The following ABLIM1 variants were observed in gnomAD, a reference collection of about 807,000 sequenced individuals.
ABLIM1 encodes actin binding LIM protein 1.
A neutral mutation model predicts 107.0 loss-of-function variants in ABLIM1; 40 were observed. The observed-to-expected ratio is 0.37, with a 90% CI of 0.29 to 0.49. ABLIM1 has a LOEUF of 0.49. Among genes scored for constraint, ABLIM1 ranks in the 20% least tolerant of loss-of-function variants. ABLIM1 has a pLI of 0.97. For missense variants in ABLIM1, 857 were observed against 1,008.5 expected, an observed-to-expected ratio of 0.85 and a Z score of 2.04; for synonymous variants, 357 against 357.3, an observed-to-expected ratio of 1.00 and a Z score of 0.01.
chr10:114,471,724 T>C (rs907335391), intron 10 of ABLIM1, among the ~76,000 whole-genome samples: 7 of 152,012 alleles, frequency 4.6e-5, no homozygotes, highest in Non-Finnish European at 1.0e-4. Context: ...ACATCTGGAA[T>C]TGAGAACAAT....
chr10:114,798,558 C>CG, the ABLIM1 span, among the ~76,000 whole-genome samples: 8 of 135,522 alleles, frequency 5.9e-5, no homozygotes, highest in South Asian at 4.7e-4. Flanking sequence ...ATGATGAGAC[C>CG]CCCCCCCCAT....
In ABLIM1 at chr10:114,690,964, G is replaced by A. The variant is rs190570949; in HGVS notation, c.-213+77097C>T. On this transcript the variant is annotated intron_variant, in intron 1 of 15. Transcript: ENST00000651092. Reference sequence around the variant, plus strand: ...CTCAAAGTACTGCAATTACAGGTGCGAGCCACCTCGCCAGGCCCTGGCTAA... The same window carrying A: ...CTCAAAGTACTGCAATTACAGGTGCAAGCCACCTCGCCAGGCCCTGGCTAA... 1.9e-3 allele frequency among the ~76,000 whole-genome samples: 282 copies of A among 152,308 alleles called. 1 individual carries two copies. The highest frequency in any genetic ancestry group is 6.4e-3 in the African/African-American group (268 of 41,564).
chr10:114,726,810 C>T (rs927878935), intron 1 of ABLIM1, among the ~76,000 whole-genome samples: 13 of 151,954 alleles, frequency 8.6e-5, no homozygotes, highest in African/African-American at 3.1e-4. Flanking sequence ...GAACAGCACC[C>T]AGGGGATGGC....
chr10:114,773,836 G>A, the ABLIM1 span, among the ~76,000 whole-genome samples: 16 of 150,836 alleles, frequency 1.1e-4, no homozygotes, highest in South Asian at 6.2e-4. Context: ...TAAAATTTCT[G>A]TATCATTTAT....
chr10:114,485,739 T>C (rs1426575536), intron 8 of ABLIM1, among the ~76,000 whole-genome samples: 1 of 152,204 alleles, frequency 6.6e-6, no homozygotes, highest in Non-Finnish European at 1.5e-5. Context: ...TTCTTAAATA[T>C]AAAAAATGTG....
the ABLIM1 span, among the ~76,000 whole-genome samples, chr10:114,796,556 A>G: frequency 9.2e-5 from 14 of 152,178 alleles, no homozygotes; most frequent in African/African-American, 3.4e-4. Context: ...CCCTTCACAT[A>G]AACTGACCCT....
chr10:114,564,055 G>T (rs574977832), intron 4 of ABLIM1, among the ~76,000 whole-genome samples: 7 of 150,656 alleles, frequency 4.6e-5, no homozygotes, highest in African/African-American at 1.7e-4. Flanking sequence ...CAAAATCAGT[G>T]ATTTTGCATA....
intron 1 of ABLIM1, among the ~76,000 whole-genome samples, chr10:114,607,686 T>G (rs578060137): frequency 6.6e-6 from 1 of 152,260 alleles, no homozygotes; most frequent in South Asian, 2.1e-4. Context: ...TATGAAATCA[T>G]GAGAAAAATC....
At position 114,434,544 on chromosome 10, in the gene ABLIM1, A is replaced by G. The variant is rs996181363; in HGVS notation, c.*1716T>C. ...GTCAGAGAGACAGCTTGTAATCCTA[A>G]TATTTGGTGCCAGCAGGAAGAACTT... On this transcript the variant is annotated 3_prime_UTR_variant, in exon 23 of 23. Transcript: ENST00000533213. 5 of 152,148 alleles carry G rather than the reference A, an allele frequency of 3.3e-5. No homozygotes were observed. The highest frequency in any genetic ancestry group is 7.3e-5 in the Non-Finnish European group (5 of 68,034). 9.4% of individuals were successfully genotyped at this position (152,148 alleles called of 1,614,324 possible).
At chr10:114,573,897 A>C (rs547296543) in intron 3 of ABLIM1, among the ~76,000 whole-genome samples, 52 of 152,342 alleles carry the variant, frequency 3.4e-4, no homozygotes, top group African/African-American at 1.2e-3. Flanking sequence ...ACAGCCTGAA[A>C]AGGGAAAAAT....
At chr10:114,762,540 T>C (rs1164804630) in intron 1 of ABLIM1, among the ~76,000 whole-genome samples, 1 of 152,234 alleles carries the variant, frequency 6.6e-6, no homozygotes, top group Non-Finnish European at 1.5e-5. Context: ...TTTCCTTTAT[T>C]GGATTTTTCT....
intron 2 of ABLIM1, among the ~76,000 whole-genome samples, chr10:114,583,693 C>T (rs1439513068): frequency 1.3e-5 from 2 of 151,606 alleles, no homozygotes; most frequent in Non-Finnish European, 2.9e-5. Context: ...GCCCTGTTTA[C>T]AACAGTAAAG....
intron 1 of ABLIM1, among the ~76,000 whole-genome samples, chr10:114,625,938 A>T (rs2077763233): frequency 2.0e-5 from 3 of 152,218 alleles, no homozygotes; most frequent in African/African-American, 4.8e-5. Flanking sequence ...GCCATTTAGT[A>T]TGTGTTCAAT....
At chr10:114,578,948 G>A (rs1470407409) in intron 2 of ABLIM1, among the ~76,000 whole-genome samples, 1 of 151,320 alleles carries the variant, frequency 6.6e-6, no homozygotes, top group Non-Finnish European at 1.5e-5. Flanking sequence ...CACCACGCCT[G>A]GCTAATTTTT....
At chr10:114,729,789 C>T (rs2082035684) in intron 1 of ABLIM1, among the ~76,000 whole-genome samples, 1 of 152,108 alleles carries the variant, frequency 6.6e-6, no homozygotes, top group African/African-American at 2.4e-5. Context: ...CCATGTTATT[C>T]AGCTTGGCCA....
At chr10:114,798,532 G>A in the ABLIM1 span, among the ~76,000 whole-genome samples, 94 of 146,506 alleles carry the variant, frequency 6.4e-4, no homozygotes, top group East Asian at 0.012. Context: ...AGGAGTTCAA[G>A]ACCAGCCTGG....
At chr10:114,758,658 G>A (rs184923946) in intron 1 of ABLIM1, among the ~76,000 whole-genome samples, 20 of 152,094 alleles carry the variant, frequency 1.3e-4, no homozygotes, top group Non-Finnish European at 2.6e-4. Context: ...CATTGTCCTC[G>A]TTTCCCTTCA....
At chr10:114,472,216 CCTAT>C (rs1418172811) in intron 10 of ABLIM1, among the ~76,000 whole-genome samples, 1 of 152,122 alleles carries the variant, frequency 6.6e-6, no homozygotes, top group Non-Finnish European at 1.5e-5. Context: ...CTATCATCAC[CCTAT>C]CTGTTTTACA....
At chr10:114,734,195 TCTAA>T (rs2082132606) in intron 1 of ABLIM1, among the ~76,000 whole-genome samples, 1 of 152,086 alleles carries the variant, frequency 6.6e-6, no homozygotes, top group Non-Finnish European at 1.5e-5. Context: ...ATTCAGTAAC[TCTAA>T]CTGGTCTTCC....
Sources: gnomAD v4.1 joint callset for allele counts (sites outside exome capture counted in the v4.1 genomes callset) on GRCh38, gnomAD v4.1.1 for gene constraint, MANE v1.5 for transcripts, NCBI Gene and HGNC (gene_info 2026-07-23, HGNC 2026-07-21) for gene names.